Variants in EPM2A observed in about 807,000 individuals in gnomAD.
EPM2A encodes laforin.
In EPM2A, 21 loss-of-function variants were observed where a neutral mutation model predicts 26.5. The ratio of observed to expected loss-of-function variants is 0.79; its 90% CI spans 0.56 to 1.14. The LOEUF (loss-of-function observed/expected upper bound fraction) is 1.14. Ranked by LOEUF, EPM2A falls within the 50% of genes most tolerant of loss-of-function variation. EPM2A has a pLI of 0.00. For synonymous variants in EPM2A, 217 were observed against 177.6 expected (o/e 1.22, Z -1.76); for missense variants, 458 against 440.8 (o/e 1.04, Z -0.35).
At chr6:145,550,335 C>G (rs1477290599) in intron 2 of EPM2A, among the ~76,000 whole-genome samples, 1 of 151,998 alleles carries the variant, frequency 6.6e-6, no homozygotes, top group East Asian at 1.9e-4. Flanking sequence ...CTTTAAGTAG[C>G]CTATATCCTT....
intron 3 of EPM2A, chr6:145,632,450 A>G (rs1343747648): frequency 1.3e-5 from 2 of 152,208 alleles, no homozygotes; most frequent in Non-Finnish European, 2.9e-5. Flanking sequence ...GATTTGTTTC[A>G]TTTTGTTTTG....
chr6:145,558,604 T>C (rs1443190021), intron 2 of EPM2A, among the ~76,000 whole-genome samples: 2 of 152,072 alleles, frequency 1.3e-5, no homozygotes, highest in Non-Finnish European at 2.9e-5. Context: ...TAATATCTTA[T>C]TGTGGTTTTG....
intron 4 of EPM2A, among the ~76,000 whole-genome samples, chr6:145,446,285 T>C (rs1041586993): frequency 1.3e-5 from 2 of 152,214 alleles, no homozygotes; most frequent in Non-Finnish European, 2.9e-5. Flanking sequence ...TATAATATGC[T>C]ATGTAGCAAA....
chr6:145,612,866 A>C (rs553171741), intron 2 of EPM2A, among the ~76,000 whole-genome samples: 88 of 151,978 alleles, frequency 5.8e-4, no homozygotes, highest in African/African-American at 2.0e-3. Flanking sequence ...ATCTTGCCTC[A>C]ATGTTGATGG....
At chr6:145,657,610 T>A (rs1378581888) in intron 2 of EPM2A, among the ~76,000 whole-genome samples, 1 of 152,218 alleles carries the variant, frequency 6.6e-6, no homozygotes, top group Non-Finnish European at 1.5e-5. Context: ...TAGTCACTCT[T>A]AATTATTTGT....
downstream of EPM2A, among the ~76,000 whole-genome samples, chr6:145,621,746 G>A (rs1217879750): frequency 2.0e-5 from 3 of 152,000 alleles, no homozygotes; most frequent in East Asian, 5.8e-4. Flanking sequence ...GTCTTCTTTG[G>A]AGAAATGTCT....
At chr6:145,649,783 A>G (rs1367975803) in intron 2 of EPM2A, among the ~76,000 whole-genome samples, 2 of 152,196 alleles carry the variant, frequency 1.3e-5, no homozygotes, top group Non-Finnish European at 2.9e-5. Flanking sequence ...TTCCCACTGC[A>G]AAGAGTTGAG....
downstream of EPM2A, among the ~76,000 whole-genome samples, chr6:145,623,539 TAGG>T (rs1429221757): frequency 6.6e-6 from 1 of 152,064 alleles, no homozygotes; most frequent in Non-Finnish European, 1.5e-5. Context: ...AGGCAGTAAG[TAGG>T]AGATGTGGTC....
At chr6:145,518,238 A>G (rs1183656149) in intron 2 of EPM2A, among the ~76,000 whole-genome samples, 1 of 152,194 alleles carries the variant, frequency 6.6e-6, no homozygotes, top group Non-Finnish European at 1.5e-5. Context: ...GTTAGGATAA[A>G]GATTGCTGTT....
chr6:145,525,988 G>GT (rs1780268021), intron 2 of EPM2A, among the ~76,000 whole-genome samples: 1 of 151,916 alleles, frequency 6.6e-6, no homozygotes, highest in Admixed American at 6.6e-5. Flanking sequence ...TTTGTTGAAG[G>GT]TTCTTTATCA....
At chr6:145,508,558 G>A (rs1236119928) in intron 2 of EPM2A, among the ~76,000 whole-genome samples, 3 of 129,574 alleles carry the variant, frequency 2.3e-5, no homozygotes, top group African/African-American at 5.6e-5. Context: ...TACCCTCAAG[G>A]GAAAAAAATA....
At chr6:145,531,239 A>G (rs1780351492) in intron 2 of EPM2A, among the ~76,000 whole-genome samples, 1 of 152,168 alleles carries the variant, frequency 6.6e-6, no homozygotes, top group African/African-American at 2.4e-5. Context: ...AACCAGGTTG[A>G]TTACCCTCTA....
chr6:145,731,202 AG>A (rs1417901897), intron 1 of EPM2A, among the ~76,000 whole-genome samples: 5 of 152,250 alleles, frequency 3.3e-5, no homozygotes, highest in African/African-American at 1.2e-4. Flanking sequence ...ACACACCCTG[AG>A]CGGAATTTTA....
At chr6:145,492,663 A>G (rs1779770033) in intron 4 of EPM2A, among the ~76,000 whole-genome samples, 1 of 152,224 alleles carries the variant, frequency 6.6e-6, no homozygotes, top group African/African-American at 2.4e-5. Flanking sequence ...TGAAAAGGGA[A>G]TGGAGTGAGA....
At chr6:145,723,744 C>T (rs755489882) in intron 1 of EPM2A, among the ~76,000 whole-genome samples, 1 of 152,000 alleles carries the variant, frequency 6.6e-6, no homozygotes, top group Non-Finnish European at 1.5e-5. Context: ...ATTTCCAAAC[C>T]ATGACATAGG....
At chr6:145,673,130 T>TAA (rs75078813) in intron 2 of EPM2A, among the ~76,000 whole-genome samples, 2 of 144,584 alleles carry the variant, frequency 1.4e-5, no homozygotes, top group African/African-American at 5.1e-5. Flanking sequence ...TTTTTAAAAT[T>TAA]AAAAAAAAAA....
intron 4 of EPM2A, among the ~76,000 whole-genome samples, chr6:145,483,693 A>G (rs932610642): frequency 6.6e-6 from 1 of 152,170 alleles, no homozygotes; most frequent in Non-Finnish European, 1.5e-5. Context: ...GTGGTGTTAA[A>G]CAAGGATGCC....
Position 145,686,275 on chromosome 6 carries a change from C to A in EPM2A, c.323G>T (p.Arg108Leu), listed in dbSNP as rs202234583. Residue 108 changes from arginine to leucine, a missense_variant, in exon 2 of 4, where the codon CGT becomes CTT. Coordinates refer to ENST00000367519, the MANE Select transcript of EPM2A (RefSeq NM_005670.4). ...SWEGNGPHHD[R>L]CCTYNENNLV... ...GTTGTTTTCATTGTAAGTACAGCAA[C>A]GGTCATGATGAGGTCCATTGCCTAG... The A allele has an allele frequency of 6.2e-7, 1 of 1,613,642 alleles. No homozygotes were observed. The highest frequency in any genetic ancestry group is 8.5e-7 in the Non-Finnish European group (1 of 1,179,702).
intron 3 of EPM2A, chr6:145,502,508 G>A (rs1779905194): frequency 2.1e-6 from 1 of 469,562 alleles, no homozygotes; most frequent in Non-Finnish European, 4.4e-6. Flanking sequence ...GGGAGGAGGT[G>A]CATACTCACT....
Sources: gnomAD v4.1 joint callset for allele counts (sites outside exome capture counted in the v4.1 genomes callset) on GRCh38, gnomAD v4.1.1 for gene constraint, MANE v1.5 for transcripts, NCBI Gene and HGNC (gene_info 2026-07-23, HGNC 2026-07-21) for gene names.